Variants in ERCC6 observed in about 807,000 individuals in gnomAD.
The protein encoded by ERCC6 is DNA excision repair protein ERCC-6.
A neutral mutation model predicts 158.7 loss-of-function variants in ERCC6; 116 were observed. That is an observed-to-expected ratio of 0.73 (90% CI 0.63 to 0.85). The LOEUF is 0.85. Ranked by LOEUF, ERCC6 falls within the 40% of genes least tolerant of loss-of-function variation. The pLI, the probability that ERCC6 is intolerant of heterozygous loss-of-function variation, is 0.00. For synonymous variants in ERCC6, 678 were observed against 659.3 expected, an observed-to-expected ratio of 1.03 and a Z score of -0.43; for missense variants, 1,698 against 1,799.4, an observed-to-expected ratio of 0.94 and a Z score of 1.02.
intron 8 of ERCC6, chr10:49,488,504 T>C (rs1851115277): frequency 6.6e-6 from 1 of 152,216 alleles, no homozygotes; most frequent in South Asian, 2.1e-4. Context: ...AAGCCCAGCA[T>C]CTATCATGTC....
chr10:49,480,630 T>C (rs1017126242), intron 10 of ERCC6, among the ~76,000 whole-genome samples: 1 of 152,254 alleles, frequency 6.6e-6, no homozygotes, highest in East Asian at 1.9e-4. Flanking sequence ...AAATGACTTA[T>C]TAATGCCAAA....
intron 1 of ERCC6, among the ~76,000 whole-genome samples, chr10:49,535,804 C>A (rs573890928): frequency 6.7e-6 from 1 of 150,004 alleles, no homozygotes; most frequent in South Asian, 2.1e-4. Context: ...AATTTGGATA[C>A]CAATGGGTCA....
chr10:49,519,978 C>T (rs1302345222), intron 5 of ERCC6, among the ~76,000 whole-genome samples: 2 of 152,156 alleles, frequency 1.3e-5, no homozygotes, highest in African/African-American at 4.8e-5. Context: ...ACACACACAC[C>T]CCACAAGAAC....
chr10:49,438,470 C>A, the ERCC6 span, among the ~76,000 whole-genome samples: 1 of 152,044 alleles, frequency 6.6e-6, no homozygotes, highest in Admixed American at 6.6e-5. Context: ...AAGACCAGCC[C>A]CCATGATTCA....
chr10:49,525,000 T>C, intron 4 of ERCC6: 1 of 1,134,720 alleles, frequency 8.8e-7, no homozygotes, highest in Non-Finnish European at 1.2e-6. Flanking sequence ...CTCAGTAACT[T>C]TTCCCCAAAA....
At chr10:49,526,133 A>T (rs1232936526) in intron 4 of ERCC6, among the ~76,000 whole-genome samples, 8 of 18,410 alleles carry the variant, frequency 4.3e-4, no homozygotes, top group African/African-American at 9.6e-4. Flanking sequence ...ATATATATAT[A>T]TATATATATA....
the ERCC6 span, among the ~76,000 whole-genome samples, chr10:49,439,557 C>T: frequency 6.6e-6 from 1 of 152,230 alleles, no homozygotes; most frequent in African/African-American, 2.4e-5. Context: ...GTCCTGGAGA[C>T]ATTTTCCCCC....
chr10:49,491,206 T>C (rs1238999818), intron 8 of ERCC6, among the ~76,000 whole-genome samples: 16 of 152,220 alleles, frequency 1.1e-4, no homozygotes, highest in Non-Finnish European at 2.4e-4. Flanking sequence ...AATAAGCCAA[T>C]ATTAACATTA....
At chr10:49,514,480 C>T (rs891191328) in intron 5 of ERCC6, among the ~76,000 whole-genome samples, 2 of 152,198 alleles carry the variant, frequency 1.3e-5, no homozygotes, top group African/African-American at 4.8e-5. Flanking sequence ...CTCTCCAAAA[C>T]TTCAAGGAGG....
rs1850832464 is a variant in ERCC6, at chr10:49,474,101, T to C, written c.2524A>G (p.Ile842Val). The part of the protein sequence containing the change: ...FGYWKRSGKM[I>V]VVESLLKIWH... ...ATTTTCAACAAAGACTCAACAACAA[T>C]CATTTTCCCAGAACGTTTCCAGTAC... Residue 842 changes from isoleucine to valine, a missense_variant, in exon 13 of 21, where the codon ATT becomes GTT. Transcript: ENST00000355832. 2 of 1,614,018 alleles carry C rather than the reference T, an allele frequency of 1.2e-6. No homozygotes were observed. The highest frequency in any genetic ancestry group is 1.7e-6 in the Non-Finnish European group (2 of 1,180,046).
chr10:49,448,067 T>C, the ERCC6 span, among the ~76,000 whole-genome samples: 12 of 152,216 alleles, frequency 7.9e-5, no homozygotes, highest in Non-Finnish European at 1.5e-5. Flanking sequence ...AGTATAATTG[T>C]TGGATCATAT....
intron 5 of ERCC6, among the ~76,000 whole-genome samples, chr10:49,517,561 TTTTAAAA>T (rs1166390363): frequency 1.3e-5 from 2 of 152,148 alleles, no homozygotes; most frequent in African/African-American, 4.8e-5. Context: ...CATAAATAGG[TTTTAAAA>T]GTGTAACTTT....
chr10:49,473,948 T>C, intron 13 of ERCC6, 79 bp downstream of exon 13: 1 of 1,286,704 alleles, frequency 7.8e-7, no homozygotes, highest in East Asian at 2.3e-5. Flanking sequence ...AATCATTACT[T>C]TAGATTGAAT....
At chr10:49,439,629 G>A in the ERCC6 span, among the ~76,000 whole-genome samples, 3 of 152,192 alleles carry the variant, frequency 2.0e-5, no homozygotes, top group African/African-American at 4.8e-5. Context: ...CAGCCGACTT[G>A]AATTTCTCCT....
chr10:49,519,338 T>C (rs941144559), intron 5 of ERCC6, among the ~76,000 whole-genome samples: 3 of 152,206 alleles, frequency 2.0e-5, no homozygotes, highest in African/African-American at 7.2e-5. Flanking sequence ...ATTATAACCA[T>C]GTAAAGATGT....
intron 18 of ERCC6, among the ~76,000 whole-genome samples, chr10:49,466,186 G>A (rs1276466337): frequency 6.6e-6 from 1 of 152,130 alleles, no homozygotes; most frequent in Non-Finnish European, 1.5e-5. Context: ...GACTCAAGTA[G>A]TGTTTTGACC....
chr10:49,518,516 C>T lies in ERCC6; in HGVS notation c.1397+5517G>A, dbSNP rs908537962. On this transcript the variant is annotated intron_variant, in intron 5 of 20. Coordinates refer to ENST00000355832, the MANE Select transcript of ERCC6 (RefSeq NM_000124.4). ...GAACCACAAGAACCACTAAGTCGTA[C>T]GCATTCAAACATGTCAGCCATCATT... Among the ~76,000 whole-genome samples the T allele has an allele frequency of 2.0e-5, 3 of 152,208 alleles. No individual in the cohort carries two copies. The South Asian group carries it at 6.2e-4, about 31-fold the overall frequency.
In ERCC6 at chr10:49,515,516, A is replaced by G. The variant is rs751839495; in HGVS notation, c.1397+8517T>C. The G allele has an allele frequency of 1.6e-5, 26 of 1,613,970 alleles. No individual in the cohort carries two copies. In the African/African-American group the frequency reaches 3.2e-4, roughly 20 times the overall value. On this transcript the variant is annotated intron_variant, in intron 5 of 20. Transcript: ENST00000355832. ...GCTTCTGAGGTCTTCCTTTTTGGCCAGGTTCTGGAGGATGACCATGGGTCT... is the reference window on the plus strand; with the variant it reads ...GCTTCTGAGGTCTTCCTTTTTGGCCGGGTTCTGGAGGATGACCATGGGTCT...
the ERCC6 span, among the ~76,000 whole-genome samples, chr10:49,438,078 G>A: frequency 6.6e-6 from 1 of 152,104 alleles, no homozygotes; most frequent in South Asian, 2.1e-4. Context: ...TTCTTGAACT[G>A]CAGTTGGTTG....
Sources: allele counts gnomAD v4.1 joint callset (sites outside exome capture counted in the v4.1 genomes callset), GRCh38; gene constraint gnomAD v4.1.1; transcripts MANE v1.5; gene names NCBI Gene and HGNC (gene_info 2026-07-23, HGNC 2026-07-21).